The following USP32 variants were observed in gnomAD, a reference collection of about 807,000 sequenced individuals.
The protein encoded by USP32 is ubiquitin carboxyl-terminal hydrolase 32.
Under a neutral mutation model 204.8 loss-of-function variants are expected in USP32, and 59 were observed. The observed-to-expected ratio is 0.29, with a 90% CI of 0.23 to 0.36. USP32 has a LOEUF of 0.36. USP32 is among the 10% of genes least tolerant of loss of function. The pLI, the probability that USP32 is intolerant of heterozygous loss-of-function variation, is 1.00. For missense variants in USP32, 1,160 were observed against 1,946.4 expected, an observed-to-expected ratio of 0.60 and a Z score of 7.60; for synonymous variants, 517 against 678.4, an observed-to-expected ratio of 0.76 and a Z score of 3.70.
chr17:60,366,882 G>A (rs991598003), intron 1 of USP32, among the ~76,000 whole-genome samples: 5 of 152,082 alleles, frequency 3.3e-5, no homozygotes, highest in Admixed American at 6.6e-5. Context: ...GAGTGCCAGG[G>A]TGCGATCTCG....
At chr17:60,286,101 A>C (rs991803774) in intron 5 of USP32, among the ~76,000 whole-genome samples, 7 of 150,918 alleles carry the variant, frequency 4.6e-5, no homozygotes, top group Non-Finnish European at 1.0e-4. Context: ...ACATCACTGC[A>C]CTCCAGCCCA....
chr17:60,350,070 G>A (rs992279752), intron 1 of USP32, among the ~76,000 whole-genome samples: 1 of 151,626 alleles, frequency 6.6e-6, no homozygotes, highest in Admixed American at 6.6e-5. Flanking sequence ...CTGGAATGCA[G>A]TGGCATGATC....
chr17:60,274,901 A>T (rs1159212934), intron 5 of USP32, among the ~76,000 whole-genome samples: 1 of 152,170 alleles, frequency 6.6e-6, no homozygotes, highest in Non-Finnish European at 1.5e-5. Context: ...ATCTTTACTC[A>T]AATGTCACAT....
At chr17:60,181,091 A>G (rs538468692) in intron 32 of USP32, among the ~76,000 whole-genome samples, 1 of 151,996 alleles carries the variant, frequency 6.6e-6, no homozygotes, top group South Asian at 2.1e-4. Context: ...GCTGGTCTCA[A>G]ACTCCTGGGC....
chr17:60,181,628 C>A lies in USP32; in HGVS notation c.4244G>T (p.Gly1415Val). 2 of 1,613,952 alleles carry A rather than the reference C, an allele frequency of 1.2e-6. No homozygotes were observed. Among genetic ancestry groups the A allele is most frequent in the Non-Finnish European group, 1.7e-6 (2 of 1,179,850 alleles). The change falls in exon 32 of 34, where the codon GGC becomes GTC. Residue 1415 changes from glycine to valine, a missense_variant. This residue lies in a region of USP32 where 244 missense variants were observed against 342.3 expected (regional missense o/e 0.71). Transcript: ENST00000300896. Reference sequence around the variant, plus strand: ...ACTACTTGACAGTTTATTTTTGCTGCCAATCTGGGGCAGCCGGAGCCTCCC... The same window carrying A: ...ACTACTTGACAGTTTATTTTTGCTGACAATCTGGGGCAGCCGGAGCCTCCC... ...SKGRLRLPQI[G>V]SKNKLSSSKE...
At chr17:60,238,240 T>G (rs2085784950) in intron 11 of USP32, among the ~76,000 whole-genome samples, 1 of 152,190 alleles carries the variant, frequency 6.6e-6, no homozygotes, top group Non-Finnish European at 1.5e-5. Flanking sequence ...ATTTTTAAAT[T>G]GGGTTGTTTG....
intron 29 of USP32, among the ~76,000 whole-genome samples, chr17:60,186,146 T>C (rs1270997697): frequency 3.9e-5 from 6 of 152,236 alleles, no homozygotes; most frequent in Non-Finnish European, 2.9e-5. Context: ...GGTAACATTC[T>C]GGATAAAATT....
intron 16 of USP32, among the ~76,000 whole-genome samples, chr17:60,218,274 C>T (rs1486447476): frequency 6.6e-6 from 1 of 152,004 alleles, no homozygotes; most frequent in Non-Finnish European, 1.5e-5. Flanking sequence ...GTCCCAGCTA[C>T]TCAGGAGGCT....
At chr17:60,373,542 C>T (rs2089484658) in intron 1 of USP32, among the ~76,000 whole-genome samples, 1 of 139,358 alleles carries the variant, frequency 7.2e-6, no homozygotes, top group African/African-American at 3.3e-5. Context: ...CTCCTGGGTT[C>T]AAGCAATTCT....
chr17:60,180,170 C>T (rs1352599946), intron 33 of USP32, among the ~76,000 whole-genome samples: 1 of 152,130 alleles, frequency 6.6e-6, no homozygotes, highest in African/African-American at 2.4e-5. Flanking sequence ...GGATTAGAGG[C>T]ACGCGCCAAC....
intron 11 of USP32, among the ~76,000 whole-genome samples, chr17:60,243,561 AATGTTATTT>A (rs558735442): frequency 1.1e-4 from 16 of 152,212 alleles, no homozygotes; most frequent in Non-Finnish European, 2.1e-4. Flanking sequence ...GCTCTAGTAA[AATGTTATTT>A]ATGTACACTG....
intron 2 of USP32, among the ~76,000 whole-genome samples, chr17:60,339,325 G>C (rs2088600410): frequency 6.6e-6 from 1 of 151,858 alleles, no homozygotes; most frequent in African/African-American, 2.4e-5. Context: ...GCTTACACCT[G>C]TAATCCCAGC....
At position 60,208,785 on chromosome 17, in the gene USP32, T is replaced by A; in HGVS notation, c.2642A>T (p.Asp881Val). ...HLRRNRSIVV[D>V]LFHGQLRSQV... ...AGATCTTAGCTGCCCATGGAACAAATCCACAACAATTGATCTATTTCTTCT... is the reference window on the plus strand; with the variant it reads ...AGATCTTAGCTGCCCATGGAACAAAACCACAACAATTGATCTATTTCTTCT... The change falls in exon 23 of 34, where the codon GAT becomes GTT. Residue 881 changes from aspartate to valine, a missense_variant. This residue lies in a region of USP32 where 132 missense variants were observed against 432.8 expected (regional missense o/e 0.30). Transcript: ENST00000300896. The A allele has an allele frequency of 6.2e-7, 1 of 1,606,214 alleles. No homozygotes were observed. Among genetic ancestry groups the A allele is most frequent in the Non-Finnish European group, 8.5e-7 (1 of 1,176,890 alleles).
In USP32 at chr17:60,212,096, G is replaced by A. The variant is rs768350949; in HGVS notation, c.2107C>T (p.Arg703Cys). ...QDEQHLVIEVRNKDMSWPEEM... is the reference protein window; with the variant it reads ...QDEQHLVIEVCNKDMSWPEEM... ...TCAGGCCAACTCATATCTTTGTTGC[G>A]AACTGGAAGGACAGATAGGAATGTG... Residue 703 changes from arginine to cysteine, a missense_variant and splice_region_variant, in exon 19 of 34, where the codon CGC becomes TGC. Around this residue, in one of 8 missense-constraint regions of USP32, gnomAD observed 132 missense variants for 432.8 expected, o/e 0.30. Transcript: ENST00000300896. The A allele has an allele frequency of 2.5e-6, 4 of 1,602,906 alleles. No homozygotes were observed. The highest frequency in any genetic ancestry group is 3.4e-5 in the Admixed American group (2 of 58,488).
At chr17:60,317,909 C>G (rs2088021462) in intron 2 of USP32, among the ~76,000 whole-genome samples, 1 of 152,054 alleles carries the variant, frequency 6.6e-6, no homozygotes. Flanking sequence ...CACTGGAACC[C>G]AGGAGGCAGA....
At chr17:60,268,094 A>G (rs2145776935) in intron 7 of USP32, among the ~76,000 whole-genome samples, 1 of 152,324 alleles carries the variant, frequency 6.6e-6, no homozygotes, top group East Asian at 1.9e-4. Context: ...TACAGGCGTG[A>G]GCAACCATGC....
chr17:60,283,348 T>C (rs2087020124), intron 5 of USP32, among the ~76,000 whole-genome samples: 1 of 152,186 alleles, frequency 6.6e-6, no homozygotes, highest in Admixed American at 6.5e-5. Context: ...TCTGAAGCCA[T>C]GCTAAGGAAT....
intron 2 of USP32, among the ~76,000 whole-genome samples, chr17:60,320,575 A>C (rs990170091): frequency 6.6e-6 from 1 of 152,192 alleles, no homozygotes; most frequent in Non-Finnish European, 1.5e-5. Context: ...GAGAAAACCC[A>C]CACAGACATG....
intron 2 of USP32, among the ~76,000 whole-genome samples, chr17:60,338,947 T>C (rs1162362628): frequency 3.3e-5 from 5 of 152,154 alleles, no homozygotes; most frequent in Non-Finnish European, 2.9e-5. Context: ...TCTTGCTCTG[T>C]TGCCCAGGCT....
Sources: gnomAD v4.1 joint callset for allele counts (sites outside exome capture counted in the v4.1 genomes callset) on GRCh38, gnomAD v4.1.1 for gene constraint, gnomAD v4.1.1 regional missense constraint, MANE v1.5 for transcripts, NCBI Gene and HGNC (gene_info 2026-07-23, HGNC 2026-07-21) for gene names.